Variants in PLA2R1 observed in about 807,000 individuals in gnomAD.
PLA2R1 encodes secretory phospholipase A2 receptor.
A neutral mutation model predicts 195.9 loss-of-function variants in PLA2R1; 158 were observed. The ratio of observed to expected loss-of-function variants is 0.81; its 90% CI spans 0.71 to 0.92. The LOEUF (loss-of-function observed/expected upper bound fraction) is 0.92, where lower values mean the gene tolerates loss of function less well. Ranked by LOEUF, PLA2R1 falls within the 40% of genes least tolerant of loss-of-function variation. The pLI is 0.00. For missense variants in PLA2R1, 1,626 were observed against 1,764.6 expected, an observed-to-expected ratio of 0.92 and a Z score of 1.41; for synonymous variants, 586 against 598.2, an observed-to-expected ratio of 0.98 and a Z score of 0.30.
intron 11 of PLA2R1, among the ~76,000 whole-genome samples, chr2:159,988,411 T>C (rs542325210): frequency 6.6e-6 from 1 of 151,910 alleles, no homozygotes; most frequent in Non-Finnish European, 1.5e-5. Context: ...CTTAGTTTAG[T>C]GTAAGACACA....
Position 160,022,849 on chromosome 2 carries a change from C to A in PLA2R1, c.1110G>T (p.Ala370=), listed in dbSNP as rs140155678. The A allele has an allele frequency of 6.3e-7, 1 of 1,588,888 alleles. No homozygotes were observed. Among genetic ancestry groups the A allele is most frequent in the Non-Finnish European group, 8.6e-7 (1 of 1,168,046 alleles). The change falls in exon 7 of 30, where the codon GCG becomes GCT. Residue 370 remains alanine, a synonymous_variant. Coordinates refer to ENST00000283243, the MANE Select transcript of PLA2R1 (RefSeq NM_007366.5). ...HIDHEIVEKD[A]WKYYATHCEP... is the part of the protein sequence containing the mutation. ...CACAGTGGGTAGCATAATATTTCCA[C>A]GCATCTTTTTCTTTTTAAACCAACA...
chr2:160,007,349 GC>G (rs1404376197), intron 10 of PLA2R1, among the ~76,000 whole-genome samples: 3 of 152,132 alleles, frequency 2.0e-5, no homozygotes, highest in Non-Finnish European at 4.4e-5. Context: ...CCCAGCCTCT[GC>G]CCCCAGACCT....
chr2:160,060,941 A>G (rs1234499768), intron 1 of PLA2R1, among the ~76,000 whole-genome samples: 1 of 152,250 alleles, frequency 6.6e-6, no homozygotes, highest in Non-Finnish European at 1.5e-5. Flanking sequence ...AATTTTCTGA[A>G]TTGACCAAGA....
chr2:159,978,496 C>T (rs762538879), intron 14 of PLA2R1, among the ~76,000 whole-genome samples: 2 of 152,174 alleles, frequency 1.3e-5, no homozygotes, highest in Non-Finnish European at 2.9e-5. Flanking sequence ...AGAAGCTCGG[C>T]CACTGCTTCA....
intron 28 of PLA2R1, among the ~76,000 whole-genome samples, chr2:159,942,576 A>T (rs1687147683): frequency 6.6e-6 from 1 of 152,172 alleles, no homozygotes; most frequent in Non-Finnish European, 1.5e-5. Context: ...TTTTGTTGGG[A>T]TCTTATATGG....
At chr2:159,976,839 C>A in intron 15 of PLA2R1, 119 bp from the exon 16 acceptor site, 1 of 766,122 alleles carries the variant, frequency 1.3e-6, no homozygotes, top group South Asian at 1.5e-5. Context: ...CACTTTAAAA[C>A]AGGTACATTG....
At position 159,955,286 on chromosome 2, in the gene PLA2R1, T is replaced by C; in HGVS notation, c.3214A>G (p.Ser1072Gly). The change falls in exon 23 of 30, where the codon AGT becomes GGT. Residue 1072 changes from serine (S) to glycine (G), a missense_variant. Physicochemically the swap from Ser to Gly is moderately conservative, Grantham distance 56. Coordinates refer to ENST00000283243, the MANE Select transcript of PLA2R1 (RefSeq NM_007366.5). Reference protein sequence around the residue: ...KHIPLCALLSSNPNFHFTGKW... With the variant: ...KHIPLCALLSGNPNFHFTGKW... Reference sequence around the variant, plus strand: ...CCAGTGAAATGAAAATTAGGATTACTTGAGAGTAAGGCACAGAGAGGAATG... The same window carrying C: ...CCAGTGAAATGAAAATTAGGATTACCTGAGAGTAAGGCACAGAGAGGAATG... 6.2e-7 allele frequency: 1 copy of C among 1,607,092 alleles called. No homozygotes were observed. Among genetic ancestry groups the C allele is most frequent in the Non-Finnish European group, 8.5e-7 (1 of 1,174,038 alleles).
chr2:160,038,823 T>C (rs1694335268), intron 3 of PLA2R1, among the ~76,000 whole-genome samples: 1 of 152,084 alleles, frequency 6.6e-6, no homozygotes, highest in Admixed American at 6.5e-5. Flanking sequence ...CAGCCATACC[T>C]TTGTTGTATC....
At chr2:159,992,712 T>C (rs1690908694) in intron 11 of PLA2R1, among the ~76,000 whole-genome samples, 1 of 151,912 alleles carries the variant, frequency 6.6e-6, no homozygotes. Context: ...GCCAAGTCAA[T>C]CCTAAGCCAA....
intron 3 of PLA2R1, among the ~76,000 whole-genome samples, chr2:160,040,956 G>A (rs905022717): frequency 6.6e-5 from 10 of 152,058 alleles, no homozygotes; most frequent in African/African-American, 2.4e-4. Context: ...ATCCTAATAG[G>A]TACTGCTATT....
chr2:159,947,190 C>G (rs1370501867), intron 26 of PLA2R1, among the ~76,000 whole-genome samples: 2 of 152,182 alleles, frequency 1.3e-5, no homozygotes, highest in Admixed American at 1.3e-4. Flanking sequence ...TCAGAAAGTG[C>G]AGTATGCTGA....
the PLA2R1 span, among the ~76,000 whole-genome samples, chr2:159,925,301 G>C: frequency 6.6e-6 from 1 of 152,180 alleles, no homozygotes; most frequent in Non-Finnish European, 1.5e-5. Context: ...CATTGTAGGG[G>C]TGCGTATGTG....
chr2:159,968,424 A>C (rs1476555829), intron 19 of PLA2R1, among the ~76,000 whole-genome samples: 2 of 152,152 alleles, frequency 1.3e-5, no homozygotes, highest in Non-Finnish European at 2.9e-5. Context: ...CTGGAATGCT[A>C]TTTTCAATGC....
intron 7 of PLA2R1, 112 bp from the exon 8 acceptor site, chr2:160,020,375 C>A: frequency 3.0e-6 from 2 of 674,520 alleles, no homozygotes; most frequent in Non-Finnish European, 2.5e-6. Context: ...TTCTTTATTT[C>A]TTTGCATGAT....
intron 19 of PLA2R1, among the ~76,000 whole-genome samples, chr2:159,968,979 A>G (rs920157912): frequency 2.0e-5 from 3 of 152,178 alleles, no homozygotes; most frequent in African/African-American, 7.2e-5. Flanking sequence ...TGTCAGGCAT[A>G]TATTTCTTTA....
chr2:160,005,469 A>T (rs1691915586), intron 11 of PLA2R1, among the ~76,000 whole-genome samples, 183 bp downstream of exon 11: 1 of 151,894 alleles, frequency 6.6e-6, no homozygotes, highest in African/African-American at 2.4e-5. Flanking sequence ...CAAACAAACA[A>T]ATAAAATAAA....
At chr2:159,988,139 T>C (rs1248546617) in intron 11 of PLA2R1, among the ~76,000 whole-genome samples, 2 of 123,236 alleles carry the variant, frequency 1.6e-5, no homozygotes, top group Non-Finnish European at 3.3e-5. Flanking sequence ...GCAAAATCTA[T>C]ACAACTCATA....
chr2:160,048,539 A>C (rs1695027698), intron 1 of PLA2R1, among the ~76,000 whole-genome samples: 1 of 152,242 alleles, frequency 6.6e-6, no homozygotes, highest in Non-Finnish European at 1.5e-5. Flanking sequence ...TAATATAGGT[A>C]TCAATATTCT....
intron 11 of PLA2R1, among the ~76,000 whole-genome samples, chr2:160,000,688 G>C (rs1164733573): frequency 6.6e-6 from 1 of 151,836 alleles, no homozygotes; most frequent in South Asian, 2.1e-4. Flanking sequence ...AATATGAGTA[G>C]GAAACAAGTG....
Sources: gnomAD v4.1 joint callset for allele counts (sites outside exome capture counted in the v4.1 genomes callset) on GRCh38, gnomAD v4.1.1 for gene constraint, MANE v1.5 for transcripts, NCBI Gene and HGNC (gene_info 2026-07-23, HGNC 2026-07-21) for gene names.